The following ACSL5 variants were observed in gnomAD, a reference collection of about 807,000 sequenced individuals.
ACSL5 encodes acyl-CoA synthetase long chain family member 5.
ACSL5 carries 50 observed loss-of-function variants against 84.9 expected under a neutral mutation model. That is an observed-to-expected ratio of 0.59 (90% CI 0.47 to 0.75). The LOEUF (loss-of-function observed/expected upper bound fraction) is 0.75, where lower values mean the gene tolerates loss of function less well. ACSL5 is among the 30% of genes least tolerant of loss of function. The pLI is 0.00. For missense variants in ACSL5, 775 were observed against 830.4 expected (o/e 0.93, Z 0.82); for synonymous variants, 280 against 300.7 (o/e 0.93, Z 0.71).
Position 112,421,963 on chromosome 10 carries a change from C to G in ACSL5, c.1404C>G (p.Pro468=). Residue 468 remains proline, a synonymous_variant, in exon 16 of 21, where the codon CCC becomes CCG. Transcript: ENST00000354655. ...GDWTSGHVGV[P]LACNYVKLED... Reference sequence around the variant, plus strand: ...ATGTTCTAGGTCACGTTGGGGTGCCCCTGGCTTGCAATTACGTGAAGCTGG... The same window carrying G: ...ATGTTCTAGGTCACGTTGGGGTGCCGCTGGCTTGCAATTACGTGAAGCTGG... 6.2e-7 allele frequency: 1 copy of G among 1,614,134 alleles called. No homozygotes were observed. Among genetic ancestry groups the G allele is most frequent in the African/African-American group, 1.3e-5 (1 of 75,010 alleles).
chr10:112,404,923 A>G, intron 5 of ACSL5, 117 bp downstream of exon 5: 1 of 916,708 alleles, frequency 1.1e-6, no homozygotes, highest in Non-Finnish European at 1.7e-6. Flanking sequence ...GCTATTGTTA[A>G]AATTTTCTAA....
chr10:112,425,536 G>T (rs987963831), intron 18 of ACSL5, 55 bp downstream of exon 18: 1 of 1,382,962 alleles, frequency 7.2e-7, no homozygotes, highest in Non-Finnish European at 9.6e-7. Context: ...GCTGGTTCTT[G>T]TAGCTACAGG....
chr10:112,395,143 A>C, intron 2 of ACSL5, 41 bp downstream of exon 2: 1 of 1,583,154 alleles, frequency 6.3e-7, no homozygotes, highest in Non-Finnish European at 8.7e-7. Flanking sequence ...AACCTTCCTC[A>C]AACTCAAACT....
intron 1 of ACSL5, among the ~76,000 whole-genome samples, chr10:112,391,019 C>A (rs1298918944): frequency 6.6e-6 from 1 of 152,176 alleles, no homozygotes; most frequent in African/African-American, 2.4e-5. Context: ...GTACTAAATA[C>A]TGCCCGATTG....
At chr10:112,375,052 T>TAA (rs113124635) in intron 1 of ACSL5, among the ~76,000 whole-genome samples, 25 of 139,708 alleles carry the variant, frequency 1.8e-4, no homozygotes, top group African/African-American at 3.9e-4. Context: ...AGGAGGTCAA[T>TAA]AAAAAAAAAA....
At chr10:112,402,874 T>C (rs964576758) in intron 3 of ACSL5, among the ~76,000 whole-genome samples, 4 of 152,240 alleles carry the variant, frequency 2.6e-5, no homozygotes, top group African/African-American at 9.6e-5. Flanking sequence ...CGTGAGGGCT[T>C]CTAAGCCACT....
intron 9 of ACSL5, 51 bp downstream of exon 9, chr10:112,410,686 G>A: frequency 6.4e-7 from 1 of 1,573,940 alleles, no homozygotes; most frequent in Non-Finnish European, 8.7e-7. Context: ...CAAGAACATG[G>A]CTTCAATTCT....
intron 14 of ACSL5, chr10:112,420,034 T>C (rs771292043): frequency 6.6e-6 from 1 of 152,224 alleles, no homozygotes; most frequent in Non-Finnish European, 1.5e-5. Context: ...CTTTTCCTCA[T>C]GAGTCCCCTA....
chr10:112,418,088 T>C, intron 14 of ACSL5, 147 bp downstream of exon 14: 1 of 647,486 alleles, frequency 1.5e-6, no homozygotes, highest in Non-Finnish European at 2.6e-6. Flanking sequence ...CTTCTAACCA[T>C]CTCTTCAGGC....
chr10:112,410,399 C>A (rs1844150540), intron 7 of ACSL5, 64 bp from the exon 8 acceptor site: 1 of 1,610,876 alleles, frequency 6.2e-7, no homozygotes, highest in East Asian at 2.2e-5. Context: ...GGGAGAGGGC[C>A]ACATTTATCA....
At chr10:112,415,281 G>A (rs2133643189) in intron 12 of ACSL5, among the ~76,000 whole-genome samples, 1 of 152,148 alleles carries the variant, frequency 6.6e-6, no homozygotes, top group South Asian at 2.1e-4. Context: ...CTCACTGCAA[G>A]CTCCACCTCC....
chr10:112,377,968 G>A (rs2133555238), intron 1 of ACSL5, among the ~76,000 whole-genome samples: 1 of 152,236 alleles, frequency 6.6e-6, no homozygotes, highest in East Asian at 1.9e-4. Context: ...AGACCAAACA[G>A]AATATTTCAG....
At chr10:112,417,334 C>T (rs913813736) in intron 13 of ACSL5, among the ~76,000 whole-genome samples, 1 of 151,660 alleles carries the variant, frequency 6.6e-6, no homozygotes, top group African/African-American at 2.4e-5. Flanking sequence ...GAAACCCAGT[C>T]TCTACTAAAA....
intron 2 of ACSL5, 85 bp downstream of exon 2, chr10:112,395,187 G>T: frequency 7.4e-7 from 1 of 1,351,114 alleles, no homozygotes; most frequent in Non-Finnish European, 1.0e-6. Context: ...TCATGAAGGG[G>T]ATTGGGTGCA....
Position 112,416,996 on chromosome 10 carries a change from G to A in ACSL5, c.1192G>A (p.Asp398Asn), listed in dbSNP as rs779059978. Residue 398 changes from aspartate to asparagine, a missense_variant, in exon 13 of 21, where the codon GAC becomes AAC. Coordinates refer to ENST00000354655, the MANE Select transcript of ACSL5 (RefSeq NM_203379.2). ...KGIIRHDSFW[D>N]KLIFAKIQDS... Reference sequence around the variant, plus strand: ...TATCATCAGGCATGATAGTTTCTGGGACAAGCTCATCTTTGCAAAGATCCA... The same window carrying A: ...TATCATCAGGCATGATAGTTTCTGGAACAAGCTCATCTTTGCAAAGATCCA... 6.2e-7 allele frequency: 1 copy of A among 1,613,940 alleles called. No individual in the cohort carries two copies. Among genetic ancestry groups the A allele is most frequent in the Non-Finnish European group, 8.5e-7 (1 of 1,179,942 alleles).
chr10:112,412,213 T>A, intron 11 of ACSL5: 1 of 494,436 alleles, frequency 2.0e-6, no homozygotes, highest in Non-Finnish European at 3.6e-6. Context: ...CCTGCCTTCA[T>A]GGGGGTGTGT....
chr10:112,412,836 G>A (rs940411050), intron 11 of ACSL5, among the ~76,000 whole-genome samples: 3 of 152,316 alleles, frequency 2.0e-5, no homozygotes, highest in Admixed American at 6.5e-5. Flanking sequence ...AATGAATTGC[G>A]TCTTACAAAG....
intron 12 of ACSL5, among the ~76,000 whole-genome samples, chr10:112,416,118 G>T (rs942586737): frequency 2.6e-5 from 4 of 152,142 alleles, no homozygotes; most frequent in African/African-American, 9.7e-5. Flanking sequence ...AATTCTCCAA[G>T]TTCAGTTATA....
chr10:112,426,129 A>G lies in ACSL5; in HGVS notation c.1738-129A>G, dbSNP rs1028271211. The stretch of plus-strand genomic sequence containing the variant: ...TGAAAATATATGGTGAGAAAAGAAC[A>G]CTAGTACTGGATTTAAGGTTTTGGG... On this transcript the variant is annotated intron_variant, in intron 18 of 20. Coordinates refer to ENST00000354655, the MANE Select transcript of ACSL5 (RefSeq NM_203379.2). 4.9e-5 allele frequency: 33 copies of G among 675,898 alleles called. No individual in the cohort carries two copies. The African/African-American group carries it at 6.0e-4, about 12-fold the overall frequency. 41.9% of individuals were successfully genotyped at this position (675,898 alleles called of 1,614,324 possible).
Sources: gnomAD v4.1 joint callset for allele counts (sites outside exome capture counted in the v4.1 genomes callset) on GRCh38, gnomAD v4.1.1 for gene constraint, MANE v1.5 for transcripts, NCBI Gene and HGNC (gene_info 2026-07-23, HGNC 2026-07-21) for gene names.